The following CDH19 variants were observed in gnomAD, a reference collection of about 807,000 sequenced individuals.
The protein encoded by CDH19 is cadherin 19.
In CDH19, 67 loss-of-function variants were observed where a neutral mutation model predicts 64.2. The observed-to-expected ratio is 1.04, with a 90% CI of 0.86 to 1.28. The LOEUF is 1.28. Ranked by LOEUF, CDH19 falls within the 50% of genes most tolerant of loss-of-function variation. The pLI is 0.00. For missense variants in CDH19, 1,030 were observed against 929.0 expected (o/e 1.11, Z -1.41); for synonymous variants, 346 against 319.3 (o/e 1.08, Z -0.89).
In CDH19 at chr18:66,551,200, G is replaced by C; in HGVS notation, c.669C>G (p.Ile223Met). The change falls in exon 5 of 12, where the codon ATC becomes ATG. Residue 223 changes from isoleucine (I) to methionine (M), a missense_variant. Transcript: ENST00000262150. ...GACCAATCATGTCCTTGGCTTGAAT[G>C]ATTACCCAATACTCATCTTGCAGTT... ...DRELQDEYWV[I>M]IQAKDMIGQP... 6.3e-7 allele frequency: 1 copy of C among 1,586,362 alleles called. No homozygotes were observed. Among genetic ancestry groups the C allele is most frequent in the Non-Finnish European group, 8.7e-7 (1 of 1,155,098 alleles).
chr18:66,578,776 A>G (rs1988339156), intron 1 of CDH19, among the ~76,000 whole-genome samples: 1 of 152,028 alleles, frequency 6.6e-6, no homozygotes, highest in African/African-American at 2.4e-5. Flanking sequence ...TCAATGTACT[A>G]AGAAAGTGTA....
chr18:66,518,868 CTT>C (rs77865285), intron 9 of CDH19, among the ~76,000 whole-genome samples: 34,916 of 151,802 alleles, frequency 0.23, 4,414 homozygotes, highest in East Asian at 0.46. Flanking sequence ...AGTCTAATGA[CTT>C]TTTTTAAAAA....
intron 1 of CDH19, among the ~76,000 whole-genome samples, chr18:66,573,020 T>G (rs1351332019): frequency 6.6e-6 from 1 of 151,724 alleles, no homozygotes; most frequent in Non-Finnish European, 1.5e-5. Context: ...GTAAGAATGA[T>G]ATGAAATGTA....
intron 1 of CDH19, among the ~76,000 whole-genome samples, chr18:66,599,265 G>A (rs1988982016): frequency 1.3e-5 from 2 of 151,922 alleles, no homozygotes; most frequent in South Asian, 2.1e-4. Flanking sequence ...TGTCTGCTAT[G>A]AGCTGTGTAT....
intron 3 of CDH19, among the ~76,000 whole-genome samples, chr18:66,557,407 A>G (rs1277164187): frequency 6.6e-6 from 1 of 152,030 alleles, no homozygotes; most frequent in Non-Finnish European, 1.5e-5. Context: ...TACTAAGTGG[A>G]GAATCTAATG....
At chr18:66,582,792 C>T (rs1395365062) in intron 1 of CDH19, among the ~76,000 whole-genome samples, 1 of 151,972 alleles carries the variant, frequency 6.6e-6, no homozygotes, top group Admixed American at 6.6e-5. Context: ...GCAACAAGTG[C>T]CATTTCATTT....
chr18:66,598,696 G>A (rs1988965679), intron 1 of CDH19, among the ~76,000 whole-genome samples: 1 of 152,036 alleles, frequency 6.6e-6, no homozygotes, highest in Non-Finnish European at 1.5e-5. Flanking sequence ...GTGGGGTGAG[G>A]AGAGGGCGAG....
chr18:66,507,175 T>C (rs1196037593), intron 11 of CDH19, among the ~76,000 whole-genome samples: 1 of 151,938 alleles, frequency 6.6e-6, no homozygotes, highest in African/African-American at 2.4e-5. Context: ...TTACTATTTA[T>C]CTTTGCTTCT....
At chr18:66,507,176 C>T (rs982890544) in intron 11 of CDH19, among the ~76,000 whole-genome samples, 2 of 151,826 alleles carry the variant, frequency 1.3e-5, no homozygotes, top group Non-Finnish European at 2.9e-5. Flanking sequence ...TACTATTTAT[C>T]TTTGCTTCTG....
intron 1 of CDH19, among the ~76,000 whole-genome samples, chr18:66,599,972 C>T (rs997097739): frequency 6.6e-6 from 1 of 151,680 alleles, no homozygotes; most frequent in Non-Finnish European, 1.5e-5. Context: ...CAGTCATGAA[C>T]GTTTATGAAA....
intron 7 of CDH19, among the ~76,000 whole-genome samples, chr18:66,539,130 T>G (rs1327951023): frequency 1.3e-5 from 2 of 152,156 alleles, no homozygotes; most frequent in Admixed American, 6.5e-5. Context: ...ATAATAATCT[T>G]GTATCTTTCT....
intron 3 of CDH19, among the ~76,000 whole-genome samples, chr18:66,562,163 T>A (rs1987747117): frequency 6.6e-6 from 1 of 151,676 alleles, no homozygotes; most frequent in Non-Finnish European, 1.5e-5. Context: ...TGGGGATGAT[T>A]AAAGCGCATT....
At chr18:66,509,702 A>G (rs1238407087) in intron 10 of CDH19, among the ~76,000 whole-genome samples, 4 of 151,766 alleles carry the variant, frequency 2.6e-5, no homozygotes, top group African/African-American at 7.2e-5. Flanking sequence ...TGTGTTAATT[A>G]CATATGACAC....
chr18:66,523,543 A>G (rs1986083098), intron 9 of CDH19, among the ~76,000 whole-genome samples: 2 of 151,434 alleles, frequency 1.3e-5, no homozygotes, highest in Admixed American at 1.3e-4. Flanking sequence ...GGGCTGGAGG[A>G]TAAATATGCA....
chr18:66,514,429 A>T (rs955131812), intron 9 of CDH19, among the ~76,000 whole-genome samples: 2 of 151,506 alleles, frequency 1.3e-5, no homozygotes, highest in African/African-American at 2.4e-5. Flanking sequence ...ATATGGGAGA[A>T]AGGGAAGATT....
intron 1 of CDH19, among the ~76,000 whole-genome samples, chr18:66,589,241 A>C: frequency 6.7e-6 from 1 of 150,082 alleles, no homozygotes; most frequent in East Asian, 1.9e-4. Flanking sequence ...TACATATTTG[A>C]ATATATATAC....
intron 4 of CDH19, among the ~76,000 whole-genome samples, chr18:66,553,648 G>A (rs1221879654): frequency 7.6e-6 from 1 of 132,444 alleles, no homozygotes; most frequent in Admixed American, 7.3e-5. Context: ...CACGTTCTTG[G>A]GTGATTAGTT....
At chr18:66,547,039 G>A (rs58803287) in intron 5 of CDH19, among the ~76,000 whole-genome samples, 2,599 of 152,172 alleles carry the variant, frequency 0.017, 64 homozygotes, top group African/African-American at 0.058. Flanking sequence ...ATGATCAGAC[G>A]TGCATTTTAA....
chr18:66,592,999 C>T (rs951242385), intron 1 of CDH19, among the ~76,000 whole-genome samples: 1 of 151,714 alleles, frequency 6.6e-6, no homozygotes, highest in Non-Finnish European at 1.5e-5. Context: ...TACATAATGG[C>T]TGTACTATTT....
Sources: gnomAD v4.1 joint callset for allele counts (sites outside exome capture counted in the v4.1 genomes callset) on GRCh38, gnomAD v4.1.1 for gene constraint, MANE v1.5 for transcripts, NCBI Gene and HGNC (gene_info 2026-07-23, HGNC 2026-07-21) for gene names.